CEP250: variants seen among roughly 807,000 people sequenced by gnomAD.
The protein encoded by CEP250 is centrosomal protein 250.
CEP250 carries 242 observed loss-of-function variants against 315.7 expected under a neutral mutation model. The observed-to-expected ratio is 0.77, with a 90% CI of 0.69 to 0.85. The LOEUF (loss-of-function observed/expected upper bound fraction) is 0.85. CEP250 is among the 40% of genes least tolerant of loss of function. The probability of loss-of-function intolerance (pLI) is 0.00; values close to 1 mark genes in which losing one functional copy is unlikely to be tolerated. For synonymous variants in CEP250, 1,088 were observed against 1,175.0 expected (o/e 0.93, Z 1.51); for missense variants, 2,515 against 2,886.4 (o/e 0.87, Z 2.95).
intron 24 of CEP250, among the ~76,000 whole-genome samples, chr20:35,495,384 T>C (rs139360556): frequency 6.4e-4 from 98 of 152,284 alleles, no homozygotes; most frequent in African/African-American, 2.3e-3. Flanking sequence ...TTTGAAGGGA[T>C]TGTAATGCCA....
In CEP250 at chr20:35,511,780, AAC is replaced by A; in HGVS notation, c.*155_*156del. 1 of 1,420,402 alleles carries A rather than the reference AAC, an allele frequency of 7.0e-7. No individual in the cohort carries two copies. Among genetic ancestry groups the A allele is most frequent in the South Asian group, 1.6e-5 (1 of 62,380 alleles). 88.0% of individuals were successfully genotyped at this position (1,420,402 alleles called of 1,614,324 possible). A position where few individuals can be genotyped will look rare whatever the true frequency, so the allele number is the denominator to read the frequency against. Reference sequence around the variant, plus strand: ...TCCCAGGAAGAGGAAGTAAATCTGCAACCCTGGGGAGGACCCCAACTCACCTG... The same window carrying A: ...TCCCAGGAAGAGGAAGTAAATCTGCACCTGGGGAGGACCCCAACTCACCTG... On this transcript the variant is annotated 3_prime_UTR_variant, in exon 35 of 35. Coordinates refer to ENST00000397527, the MANE Select transcript of CEP250 (RefSeq NM_007186.6).
Position 35,472,038 on chromosome 20 carries a change from T to C in CEP250, c.949-12T>C. Reference sequence around the variant, plus strand: ...AGTTTGGCTCTGAGGCTCTGTTCTATTCCCTGTTCAGGAGACAAATCACAC... The same window carrying C: ...AGTTTGGCTCTGAGGCTCTGTTCTACTCCCTGTTCAGGAGACAAATCACAC... On this transcript the variant is annotated splice_polypyrimidine_tract_variant and intron_variant, in intron 10 of 34. Transcript: ENST00000397527. The C allele has an allele frequency of 6.6e-7, 1 of 1,523,194 alleles. No individual in the cohort carries two copies. The highest frequency in any genetic ancestry group is 9.1e-7 in the Non-Finnish European group (1 of 1,097,332). 94.4% of individuals were successfully genotyped at this position (1,523,194 alleles called of 1,614,324 possible). A position where few individuals can be genotyped will look rare whatever the true frequency, so the allele number is the denominator to read the frequency against.
chr20:35,511,820 AT>A lies in CEP250; in HGVS notation c.*196del. On this transcript the variant is annotated 3_prime_UTR_variant, in exon 35 of 35. Coordinates refer to ENST00000397527, the MANE Select transcript of CEP250 (RefSeq NM_007186.6). ...CCCAACTCACCTGGGAATGAGGCAA[AT>A]TGCATTTGCTTGCTCCCTATGGAAT... The A allele has an allele frequency of 1.4e-6, 2 of 1,408,122 alleles. No individual in the cohort carries two copies. 87.2% of individuals were successfully genotyped at this position (1,408,122 alleles called of 1,614,324 possible).
At chr20:35,482,340 C>T (rs1226373918) in intron 20 of CEP250, among the ~76,000 whole-genome samples, 1 of 151,802 alleles carries the variant, frequency 6.6e-6, no homozygotes, top group East Asian at 2.0e-4. Flanking sequence ...ACGCCATTCT[C>T]CTGCCTCAGC....
intron 22 of CEP250, 116 bp from the exon 23 acceptor site, chr20:35,493,311 TGA>T (rs2063748170): frequency 4.3e-6 from 4 of 935,138 alleles, no homozygotes; most frequent in Non-Finnish European, 6.3e-6. Context: ...AGTGAGAAGG[TGA>T]GGTGGAAACA....
At chr20:35,510,175 A>G in intron 34 of CEP250, 121 bp downstream of exon 34, 1 of 871,858 alleles carries the variant, frequency 1.1e-6, no homozygotes, top group African/African-American at 1.7e-5. Flanking sequence ...GGGAGGCAAA[A>G]ATAGTCCCAG....
intron 12 of CEP250, 69 bp from the exon 13 acceptor site, chr20:35,473,305 C>A: frequency 2.8e-6 from 4 of 1,425,100 alleles, no homozygotes; most frequent in Non-Finnish European, 2.9e-6. Flanking sequence ...TCCAGCCCCA[C>A]TTTCGGGGTT....
intron 6 of CEP250, 31 bp downstream of exon 6, chr20:35,465,856 G>T (rs555309572): frequency 6.3e-7 from 1 of 1,581,850 alleles, no homozygotes; most frequent in Admixed American, 1.8e-5. Flanking sequence ...TGACCTGGGT[G>T]ATTGGCCAGT....
In CEP250 at chr20:35,511,955, C is replaced by T; in HGVS notation, c.*329C>T. The T allele has an allele frequency of 2.7e-6, 3 of 1,129,560 alleles. No homozygotes were observed. The highest frequency in any genetic ancestry group is 3.2e-6 in the Non-Finnish European group (3 of 924,720). 70.0% of individuals were successfully genotyped at this position (1,129,560 alleles called of 1,614,324 possible). On this transcript the variant is annotated 3_prime_UTR_variant, in exon 35 of 35. Transcript: ENST00000397527. Reference sequence around the variant, plus strand: ...CTTCATCTTCTCCTTCAACAATAAACCCTGGGATCTTTGCATTCATTTTCT... The same window carrying T: ...CTTCATCTTCTCCTTCAACAATAAATCCTGGGATCTTTGCATTCATTTTCT...
chr20:35,516,903 G>A lies in CEP250; in HGVS notation c.*5277G>A, dbSNP rs2064441097. The A allele has an allele frequency of 1.2e-6, 1 of 850,232 alleles. No homozygotes were observed. Among genetic ancestry groups the A allele is most frequent in the Non-Finnish European group, 1.4e-6 (1 of 706,610 alleles). The allele number at this position is 850,232 out of a possible 1,614,324, so 52.7% of individuals were successfully genotyped here. A position where few individuals can be genotyped will look rare whatever the true frequency, so the allele number is the denominator to read the frequency against. On this transcript the variant is annotated 3_prime_UTR_variant, in exon 35 of 35. Transcript: ENST00000397527. The stretch of plus-strand genomic sequence containing the variant: ...ATCCATTCATTCAGGTTAGACCTCT[G>A]AGCAGACGGCAGAAACGTCAGCCAC...
chr20:35,464,337 C>G (rs1349629776), intron 5 of CEP250, among the ~76,000 whole-genome samples: 1 of 152,170 alleles, frequency 6.6e-6, no homozygotes, highest in Non-Finnish European at 1.5e-5. Flanking sequence ...CAGGGTCCTA[C>G]TTACTCTGTC....
At position 35,501,914 on chromosome 20, in the gene CEP250, C is replaced by T. The variant is rs745403901; in HGVS notation, c.3968C>T (p.Ala1323Val). 6.2e-7 allele frequency: 1 copy of T among 1,613,660 alleles called. No homozygotes were observed. The highest frequency in any genetic ancestry group is 2.2e-5 in the East Asian group (1 of 44,878). ...CTGATGGAACTACATGAAACTATGG[C>T]ATCCTTACAGAGTCGCCTGCGGAGA... ...SELMELHETMASLQSRLRRAE... is the reference protein window; with the variant it reads ...SELMELHETMVSLQSRLRRAE... Residue 1323 changes from alanine (A) to valine (V), a missense_variant, in exon 29 of 35, where the codon GCA becomes GTA. By Grantham distance (64) the Ala-to-Val change is moderately conservative. Transcript: ENST00000397527.
At chr20:35,496,284 C>T (rs758981671) in intron 24 of CEP250, among the ~76,000 whole-genome samples, 4 of 151,938 alleles carry the variant, frequency 2.6e-5, no homozygotes, top group Non-Finnish European at 5.9e-5. Context: ...CTGCAGTGAG[C>T]CGAGATCGTG....
At chr20:35,476,201 C>T in intron 15 of CEP250, 1 of 378,086 alleles carries the variant, frequency 2.6e-6, no homozygotes, top group East Asian at 4.4e-5. Flanking sequence ...GCACTTTGTG[C>T]TTACATTTTC....
chr20:35,479,125 A>G (rs1267806588), intron 17 of CEP250, 106 bp from the exon 18 acceptor site: 2 of 1,117,890 alleles, frequency 1.8e-6, no homozygotes, highest in African/African-American at 3.1e-5. Flanking sequence ...CCGGGCTCAC[A>G]GAGCTGGGTC....
chr20:35,463,473 C>T, intron 4 of CEP250, 102 bp from the exon 5 acceptor site: 2 of 926,666 alleles, frequency 2.2e-6, no homozygotes, highest in Admixed American at 5.8e-5. Flanking sequence ...CCACCCATTT[C>T]CCCTGTTCAT....
chr20:35,484,923 A>G (rs2063463727), intron 20 of CEP250, among the ~76,000 whole-genome samples: 1 of 152,186 alleles, frequency 6.6e-6, no homozygotes, highest in Non-Finnish European at 1.5e-5. Flanking sequence ...TTCGCATGTC[A>G]CAAAACATTA....
chr20:35,491,594 C>G (rs902256282), intron 22 of CEP250, among the ~76,000 whole-genome samples: 2 of 151,924 alleles, frequency 1.3e-5, no homozygotes, highest in African/African-American at 2.4e-5. Flanking sequence ...CATGGTGAAA[C>G]CCATCTCTAC....
chr20:35,498,142 GCTA>G, intron 26 of CEP250, 75 bp downstream of exon 26: 5 of 1,128,640 alleles, frequency 4.4e-6, no homozygotes, highest in Non-Finnish European at 6.1e-6. Context: ...GGAGAGGAAT[GCTA>G]TTTGTTAGAC....
Sources: gnomAD v4.1 joint callset for allele counts (sites outside exome capture counted in the v4.1 genomes callset) on GRCh38, gnomAD v4.1.1 for gene constraint, MANE v1.5 for transcripts, NCBI Gene and HGNC (gene_info 2026-07-23, HGNC 2026-07-21) for gene names.